Variants in ENO2 observed in about 807,000 individuals in gnomAD.
ENO2 encodes the protein enolase 2.
In ENO2, 19 loss-of-function variants were observed where a neutral mutation model predicts 48.7. The observed-to-expected ratio is 0.39, with a 90% CI of 0.27 to 0.57. ENO2 has a LOEUF of 0.57. Ranked by LOEUF, ENO2 falls within the 20% of genes least tolerant of loss-of-function variation. The probability of loss-of-function intolerance (pLI) is 0.58; values close to 1 mark genes in which losing one functional copy is unlikely to be tolerated. For missense variants in ENO2, 416 were observed against 555.0 expected, an observed-to-expected ratio of 0.75 and a Z score of 2.52; for synonymous variants, 198 against 213.4, an observed-to-expected ratio of 0.93 and a Z score of 0.63.
At chr12:6,921,391 A>C (rs1241613871) in intron 8 of ENO2, 190 bp from the exon 9 acceptor site, 3 of 154,088 alleles carry the variant, frequency 1.9e-5, no homozygotes, top group African/African-American at 3.5e-5. Flanking sequence ...AGGCTCTGTC[A>C]AAAAAAAAAA....
chr12:6,917,177 G>A (rs1945299505), intron 5 of ENO2, 70 bp downstream of exon 5: 1 of 1,583,082 alleles, frequency 6.3e-7, no homozygotes, highest in Non-Finnish European at 8.6e-7. Context: ...GAGAGCTGAA[G>A]GGCCAGTGCT....
At chr12:6,917,528 C>T in intron 5 of ENO2, 53 bp from the exon 6 acceptor site, 1 of 1,577,074 alleles carries the variant, frequency 6.3e-7, no homozygotes, top group Non-Finnish European at 8.6e-7. Context: ...GAGGCAGGAG[C>T]TAGAAAGGAG....
At position 6,916,037 on chromosome 12, in the gene ENO2, A is replaced by G. The variant is rs1945288172; in HGVS notation, c.85+120A>G. 9.6e-7 allele frequency: 1 copy of G among 1,036,326 alleles called. No homozygotes were observed. Among genetic ancestry groups the G allele is most frequent in the African/African-American group, 1.6e-5 (1 of 62,914 alleles). The allele number at this position is 1,036,326 out of a possible 1,614,324, so 64.2% of individuals were successfully genotyped here. A position where few individuals can be genotyped will look rare whatever the true frequency, so the allele number is the denominator to read the frequency against. ...GGGTATGGGGTGCTGGGCCAGGCTCACAAGCCTGGGTTGTGGCGGTTGGAT... is the reference window on the plus strand; with the variant it reads ...GGGTATGGGGTGCTGGGCCAGGCTCGCAAGCCTGGGTTGTGGCGGTTGGAT... On this transcript the variant is annotated intron_variant, in intron 2 of 11. Coordinates refer to ENST00000229277, the MANE Select transcript of ENO2 (RefSeq NM_001975.3). This position sits in a 1 kb window ranked among gnomAD's most constrained non-coding sequence, Gnocchi z 4.5.
At chr12:6,921,502 A>C in intron 8 of ENO2, 79 bp from the exon 9 acceptor site, 1 of 1,441,814 alleles carries the variant, frequency 6.9e-7, no homozygotes, top group Middle Eastern at 1.7e-4. Context: ...TTCAGGGAAT[A>C]AAGGGGCATG....
intron 5 of ENO2, 182 bp downstream of exon 5, chr12:6,917,289 G>A (rs782698770): frequency 1.3e-6 from 1 of 772,298 alleles, no homozygotes; most frequent in Non-Finnish European, 2.1e-6. Flanking sequence ...ACAGTAGGCA[G>A]AAGGAAGACC....
Position 6,916,311 on chromosome 12 carries a change from G to A in ENO2, c.86-106G>A. The stretch of plus-strand genomic sequence containing the variant: ...GGGGGGATGTTAGGGAGCAGTGTGG[G>A]GAGAGAGCTAGATGTGGTAGGCAGG... On this transcript the variant is annotated intron_variant, in intron 2 of 11. Coordinates refer to ENST00000229277, the MANE Select transcript of ENO2 (RefSeq NM_001975.3). The surrounding 1 kb of genome is among the most constrained non-coding windows in gnomAD (Gnocchi z 4.5). The A allele has an allele frequency of 1.0e-6, 1 of 1,003,384 alleles. No individual in the cohort carries two copies. The highest frequency in any genetic ancestry group is 1.5e-6 in the Non-Finnish European group (1 of 682,796). The allele number at this position is 1,003,384 out of a possible 1,614,324, so 62.2% of individuals were successfully genotyped here.
At chr12:6,918,208 T>C in intron 7 of ENO2, 46 bp downstream of exon 7, 2 of 1,595,968 alleles carry the variant, frequency 1.3e-6, no homozygotes, top group Non-Finnish European at 1.7e-6. Flanking sequence ...TACCCTATTG[T>C]GGGACATCAG....
Position 6,919,660 on chromosome 12 carries a change from TG to T in ENO2, c.764del (p.Gly255AlafsTer57). On this transcript the variant is annotated frameshift_variant, in exon 8 of 12. Transcript: ENST00000229277. LOFTEE classifies it high-confidence loss of function. ...TTGCTGCCTCAGAGTTTTATCGTGA[TG>T]GCAAATATGACTTGGACTTCAAGTC... ...DVAASEFYRD[G>X]KYDLDFKSPT... is the part of the protein sequence containing the mutation. 1 of 1,614,186 alleles carries T rather than the reference TG, an allele frequency of 6.2e-7. No individual in the cohort carries two copies. The highest frequency in any genetic ancestry group is 8.5e-7 in the Non-Finnish European group (1 of 1,180,046).
chr12:6,916,326 T>G lies in ENO2; in HGVS notation c.86-91T>G. The G allele has an allele frequency of 8.5e-7, 1 of 1,181,702 alleles. No homozygotes were observed. Among genetic ancestry groups the G allele is most frequent in the South Asian group, 1.4e-5 (1 of 69,924 alleles). 73.2% of individuals were successfully genotyped at this position (1,181,702 alleles called of 1,614,324 possible). A position where few individuals can be genotyped will look rare whatever the true frequency, so the allele number is the denominator to read the frequency against. ...AGCAGTGTGGGGAGAGAGCTAGATGTGGTAGGCAGGCAGTTTAGAGCCAGA... is the reference window on the plus strand; with the variant it reads ...AGCAGTGTGGGGAGAGAGCTAGATGGGGTAGGCAGGCAGTTTAGAGCCAGA... On this transcript the variant is annotated intron_variant, in intron 2 of 11. Transcript: ENST00000229277. The surrounding 1 kb of genome is among the most constrained non-coding windows in gnomAD (Gnocchi z 4.5).
Position 6,917,651 on chromosome 12 carries a change from A to G in ENO2, c.381A>G (p.Glu127=). Reference sequence around the variant, plus strand: ...GTAAGGCAGGGGCAGCTGAGCGGGAACTGCCCCTGTATCGCCACATTGCTC... The same window carrying G: ...GTAAGGCAGGGGCAGCTGAGCGGGAGCTGCCCCTGTATCGCCACATTGCTC... The part of the protein sequence containing the change: ...AVCKAGAAER[E]LPLYRHIAQL... The change falls in exon 6 of 12, where the codon GAA becomes GAG. Residue 127 remains glutamate (E), a synonymous_variant. Transcript: ENST00000229277. 1 of 1,612,826 alleles carries G rather than the reference A, an allele frequency of 6.2e-7. No individual in the cohort carries two copies. Among genetic ancestry groups the G allele is most frequent in the South Asian group, 1.1e-5 (1 of 91,042 alleles).
Position 6,921,659 on chromosome 12 carries a change from T to C in ENO2, c.944T>C (p.Ile315Thr). Residue 315 changes from isoleucine to threonine, a missense_variant, in exon 9 of 12, where the codon ATT becomes ACT. By Grantham distance (89) the Ile-to-Thr change is moderately conservative. Coordinates refer to ENST00000229277, the MANE Select transcript of ENO2 (RefSeq NM_001975.3). Reference sequence around the variant, plus strand: ...TTCACAGCCAATGTAGGGATCCAGATTGTGGGTGATGACCTGACAGTGACC... The same window carrying C: ...TTCACAGCCAATGTAGGGATCCAGACTGTGGGTGATGACCTGACAGTGACC... ...SKFTANVGIQ[I>T]VGDDLTVTNP... 6.2e-7 allele frequency: 1 copy of C among 1,614,042 alleles called. No homozygotes were observed. Among genetic ancestry groups the C allele is most frequent in the Admixed American group, 1.7e-5 (1 of 60,004 alleles).
intron 8 of ENO2, among the ~76,000 whole-genome samples, chr12:6,920,575 T>A (rs1364345217): frequency 6.6e-6 from 1 of 151,504 alleles, no homozygotes; most frequent in Non-Finnish European, 1.5e-5. Flanking sequence ...AATTTTGTAT[T>A]TTTAGTAGAG....
intron 9 of ENO2, 70 bp downstream of exon 9, chr12:6,921,852 C>T (rs1555142148): frequency 6.3e-7 from 1 of 1,581,426 alleles, no homozygotes; most frequent in East Asian, 2.3e-5. Context: ...GTGCTCCAGC[C>T]TAATTCTACC....
In ENO2 at chr12:6,921,563, A is replaced by AC. The variant is rs1945341228; in HGVS notation, c.866-16dup. The AC allele has an allele frequency of 5.0e-6, 8 of 1,613,728 alleles. No homozygotes were observed. In the East Asian group the frequency reaches 1.8e-4, roughly 36 times the overall value. ...GAAGATGAACACCTCCCCCCTCCCC[A>AC]CCATGCTCTCTCTGCAGTGGTCTCC... is the stretch of plus-strand genomic sequence containing the variant. On this transcript the variant is annotated splice_polypyrimidine_tract_variant and intron_variant, in intron 8 of 11. Coordinates refer to ENST00000229277, the MANE Select transcript of ENO2 (RefSeq NM_001975.3).
intron 7 of ENO2, 117 bp from the exon 8 acceptor site, chr12:6,919,449 C>T (rs1401683325): frequency 1.3e-5 from 15 of 1,161,550 alleles, no homozygotes; most frequent in East Asian, 2.5e-5. Flanking sequence ...ACAGCATCCC[C>T]GCCACACTTC....
rs782139774 is a variant in ENO2, at chr12:6,923,214, C to T, written c.*414C>T. The T allele has an allele frequency of 4.9e-5, 11 of 223,182 alleles. No individual in the cohort carries two copies. Among genetic ancestry groups the T allele is most frequent in the African/African-American group, 1.1e-4 (5 of 44,904 alleles). The allele number at this position is 223,182 out of a possible 1,614,324, so 13.8% of individuals were successfully genotyped here. A position where few individuals can be genotyped will look rare whatever the true frequency, so the allele number is the denominator to read the frequency against. On this transcript the variant is annotated 3_prime_UTR_variant, in exon 12 of 12. Transcript: ENST00000229277. ...CGTGTCTTCCACTTTGCATATGAGCCGTGAACTGTGCATAGTGCTGGGATG... is the reference window on the plus strand; with the variant it reads ...CGTGTCTTCCACTTTGCATATGAGCTGTGAACTGTGCATAGTGCTGGGATG...
intron 8 of ENO2, among the ~76,000 whole-genome samples, chr12:6,920,717 CT>C (rs781865832): frequency 0.049 from 4,629 of 95,098 alleles, 197 homozygotes; most frequent in African/African-American, 0.15. Flanking sequence ...TTTTAATTAA[CT>C]TTTTTTTTTT....
intron 7 of ENO2, 32 bp downstream of exon 7, chr12:6,918,194 G>A (rs1555141827): frequency 6.2e-7 from 1 of 1,609,420 alleles, no homozygotes; most frequent in Non-Finnish European, 8.5e-7. Flanking sequence ...CCAGCTCTAA[G>A]TCTTACCCTA....
intron 7 of ENO2, among the ~76,000 whole-genome samples, chr12:6,918,476 G>A (rs959528206): frequency 1.3e-5 from 2 of 149,968 alleles, no homozygotes; most frequent in Non-Finnish European, 3.0e-5. Context: ...TCAGCCTCCC[G>A]AGTAGCTGGG....
Sources: gnomAD v4.1 joint callset for allele counts (sites outside exome capture counted in the v4.1 genomes callset) on GRCh38, gnomAD v4.1.1 for gene constraint, Gnocchi (gnomAD v3.1) non-coding constraint, MANE v1.5 for transcripts, NCBI Gene and HGNC (gene_info 2026-07-23, HGNC 2026-07-21) for gene names.